CEP128: variants seen among roughly 807,000 people sequenced by gnomAD.
The protein encoded by CEP128 is centrosomal protein 128kDa.
CEP128 carries 132 observed loss-of-function variants against 156.7 expected under a neutral mutation model. The ratio of observed to expected loss-of-function variants is 0.84; its 90% CI spans 0.73 to 0.97. The LOEUF is 0.97. Among genes scored for constraint, CEP128 ranks in the 50% least tolerant of loss-of-function variants. The pLI is 0.00. For synonymous variants in CEP128, 469 were observed against 448.9 expected, an observed-to-expected ratio of 1.04 and a Z score of -0.57; for missense variants, 1,252 against 1,281.9, an observed-to-expected ratio of 0.98 and a Z score of 0.36.
chr14:80,584,418 T>C (rs1376266481), intron 19 of CEP128, among the ~76,000 whole-genome samples: 1 of 152,128 alleles, frequency 6.6e-6, no homozygotes, highest in Non-Finnish European at 1.5e-5. Context: ...AGTGCTGAGA[T>C]TACAGGTGTG....
chr14:80,563,638 A>G lies in CEP128; in HGVS notation c.2857-4336T>C, dbSNP rs1890790143. Among the ~76,000 whole-genome samples, 3 of 140,744 alleles carry G rather than the reference A, an allele frequency of 2.1e-5. No individual in the cohort carries two copies. The South Asian group carries it at 6.9e-4, about 32-fold the overall frequency. 92.3% of individuals were successfully genotyped at this position (140,744 alleles called of 152,430 possible). On this transcript the variant is annotated intron_variant, in intron 20 of 24. Coordinates refer to ENST00000555265, the MANE Select transcript of CEP128 (RefSeq NM_152446.5). ...AACCTCCACCTCTTGGATTTAAGTG[A>G]TTCTCCTGTCTCAGGCTCCCGAGTA...
At chr14:80,608,370 T>C (rs1230265020) in intron 19 of CEP128, among the ~76,000 whole-genome samples, 1 of 152,180 alleles carries the variant, frequency 6.6e-6, no homozygotes, top group African/African-American at 2.4e-5. Context: ...ACATGCTGAA[T>C]AAATGACTCA....
chr14:80,800,302 A>G (rs1883766328), intron 13 of CEP128, among the ~76,000 whole-genome samples: 1 of 152,238 alleles, frequency 6.6e-6, no homozygotes, highest in Admixed American at 6.5e-5. Context: ...GATAACCTAC[A>G]TGAAGATAAA....
intron 19 of CEP128, among the ~76,000 whole-genome samples, chr14:80,601,206 C>T (rs192130158): frequency 4.6e-5 from 7 of 152,014 alleles, no homozygotes; most frequent in African/African-American, 7.2e-5. Context: ...CAAATACAAA[C>T]AACTAGCAAA....
At chr14:80,512,530 C>A (rs990124603) in intron 23 of CEP128, among the ~76,000 whole-genome samples, 1 of 151,870 alleles carries the variant, frequency 6.6e-6, no homozygotes, top group African/African-American at 2.4e-5. Context: ...TTTCCTTTTT[C>A]AATCCATTCA....
At chr14:80,768,909 C>T (rs763240632) in intron 16 of CEP128, among the ~76,000 whole-genome samples, 5 of 152,120 alleles carry the variant, frequency 3.3e-5, no homozygotes, top group East Asian at 1.9e-4. Context: ...GTATTGGATA[C>T]GTTCCTAGAA....
chr14:80,837,709 C>T (rs189725129), intron 11 of CEP128, among the ~76,000 whole-genome samples: 208 of 152,086 alleles, frequency 1.4e-3, no homozygotes, highest in African/African-American at 4.8e-3. Flanking sequence ...AGCGAGACTG[C>T]GTCTCAAAAA....
chr14:80,540,205 C>CG (rs1491215234), intron 21 of CEP128, among the ~76,000 whole-genome samples: 10 of 150,634 alleles, frequency 6.6e-5, no homozygotes, highest in South Asian at 6.5e-4. Context: ...ACACCCCCCC[C>CG]CCTTTTGAAA....
At chr14:80,931,916 T>C (rs1885489743) in intron 2 of CEP128, among the ~76,000 whole-genome samples, 1 of 152,220 alleles carries the variant, frequency 6.6e-6, no homozygotes, top group East Asian at 1.9e-4. Context: ...CTTCCTAATA[T>C]AGTCTGGCTG....
intron 10 of CEP128, among the ~76,000 whole-genome samples, chr14:80,838,677 C>CA (rs1398884654): frequency 7.9e-5 from 12 of 152,202 alleles, no homozygotes; most frequent in African/African-American, 2.6e-4. Context: ...TTAGAATACA[C>CA]AGTGTCAAAT....
At chr14:80,700,617 G>A (rs543512959) in intron 19 of CEP128, among the ~76,000 whole-genome samples, 6 of 152,056 alleles carry the variant, frequency 3.9e-5, no homozygotes, top group African/African-American at 1.2e-4. Flanking sequence ...CTGAGTAAAC[G>A]GGCTTAGTCC....
At chr14:80,822,729 C>T in intron 13 of CEP128, 1 of 844,144 alleles carries the variant, frequency 1.2e-6, no homozygotes, top group African/African-American at 1.7e-5. Flanking sequence ...GGGAATAGCC[C>T]TGTAGAAAAT....
At chr14:80,593,197 A>G (rs988148098) in intron 19 of CEP128, among the ~76,000 whole-genome samples, 1 of 152,162 alleles carries the variant, frequency 6.6e-6, no homozygotes, top group Non-Finnish European at 1.5e-5. Flanking sequence ...TCAAACAGGA[A>G]GAGAGGAAGT....
chr14:80,949,467 GA>G (rs1291769338), intron 2 of CEP128, among the ~76,000 whole-genome samples: 1 of 152,052 alleles, frequency 6.6e-6, no homozygotes, highest in Non-Finnish European at 1.5e-5. Context: ...TGAGGCTGGA[GA>G]AAAAAGCAAC....
At position 80,807,247 on chromosome 14, in the gene CEP128, G is replaced by A. The variant is rs369223120; in HGVS notation, c.1210-14137C>T. Among the ~76,000 whole-genome samples the A allele has an allele frequency of 2.0e-4, 30 of 152,048 alleles. No homozygotes were observed. The East Asian group carries it at 3.3e-3, about 17-fold the overall frequency. ...TATGCCACTAAGAATTCAAGACATG[G>A]CTCCTAACCCAATTTCACACCATCC... On this transcript the variant is annotated intron_variant, in intron 13 of 24. Transcript: ENST00000555265.
chr14:80,848,216 C>T (rs780254398), intron 9 of CEP128, among the ~76,000 whole-genome samples: 3 of 152,138 alleles, frequency 2.0e-5, no homozygotes, highest in Non-Finnish European at 2.9e-5. Flanking sequence ...TGAACATGAG[C>T]GCACAAACCG....
At chr14:80,844,903 C>T (rs532036914) in intron 9 of CEP128, among the ~76,000 whole-genome samples, 1 of 152,052 alleles carries the variant, frequency 6.6e-6, no homozygotes, top group South Asian at 2.1e-4. Context: ...TTCCACTATG[C>T]CCATACCTAC....
chr14:80,646,698 C>T (rs1323349447), intron 19 of CEP128, among the ~76,000 whole-genome samples: 1 of 151,614 alleles, frequency 6.6e-6, no homozygotes, highest in Non-Finnish European at 1.5e-5. Context: ...TTAACTAATC[C>T]TTAATGTTAT....
rs60238276 is a variant in CEP128 at position 80,626,470 on chromosome 14, C to CAAAAAAAAAA, written c.2807-46057_2807-46048dup. 3.7e-4 allele frequency among the ~76,000 whole-genome samples: 30 copies of CAAAAAAAAAA among 80,690 alleles called. 2 individuals are homozygous for CAAAAAAAAAA. The highest frequency in any genetic ancestry group is 8.4e-4 in the African/African-American group (15 of 17,756). The allele number at this position is 80,690 out of a possible 152,430, so 52.9% of individuals were successfully genotyped here. ...TGGGCGACAGAGCGAGACTCCGTCT[C>CAAAAAAAAAA]AAAAAAAAAAAAAAAAAAAAAAAAA... On this transcript the variant is annotated intron_variant, in intron 19 of 24. Coordinates refer to ENST00000555265, the MANE Select transcript of CEP128 (RefSeq NM_152446.5).
Sources: gnomAD v4.1 joint callset for allele counts (sites outside exome capture counted in the v4.1 genomes callset) on GRCh38, gnomAD v4.1.1 for gene constraint, MANE v1.5 for transcripts, NCBI Gene and HGNC (gene_info 2026-07-23, HGNC 2026-07-21) for gene names.